Variants in PLBD1 observed in about 807,000 individuals in gnomAD.
The protein encoded by PLBD1 is phospholipase B domain containing 1.
PLBD1 carries 60 observed loss-of-function variants against 63.0 expected under a neutral mutation model. The observed-to-expected ratio is 0.95, with a 90% CI of 0.77 to 1.18. The LOEUF (loss-of-function observed/expected upper bound fraction) is 1.18. PLBD1 is among the 50% of genes most tolerant of loss of function. The pLI is 0.00. For synonymous variants in PLBD1, 262 were observed against 248.0 expected, an observed-to-expected ratio of 1.06 and a Z score of -0.53; for missense variants, 598 against 677.9, an observed-to-expected ratio of 0.88 and a Z score of 1.31.
At chr12:14,551,958 C>T (rs1317991751) in intron 2 of PLBD1, among the ~76,000 whole-genome samples, 4 of 151,826 alleles carry the variant, frequency 2.6e-5, no homozygotes, top group Non-Finnish European at 4.4e-5. Flanking sequence ...AATAGTACAC[C>T]GTTAAGGAGA....
chr12:14,542,238 GA>G lies in PLBD1; in HGVS notation c.388del (p.Ser130ProfsTer36). Reference protein sequence around the residue: ...NLYPQLITKPSIMDKVQDFME... With the variant: ...NLYPQLITKPXIMDKVQDFME... Reference sequence around the variant, plus strand: ...AAAATCCTGCACTTTATCCATGATGGAAGGTTTCGTGATCAGCTGTGGGTAG... The same window carrying G: ...AAAATCCTGCACTTTATCCATGATGGAGGTTTCGTGATCAGCTGTGGGTAG... On this transcript the variant is annotated frameshift_variant, in exon 3 of 11. Coordinates refer to ENST00000240617, the MANE Select transcript of PLBD1 (RefSeq NM_024829.6). LOFTEE classifies it high-confidence loss of function. 1 of 1,610,336 alleles carries G rather than the reference GA, an allele frequency of 6.2e-7. No individual in the cohort carries two copies. Among genetic ancestry groups the G allele is most frequent in the Non-Finnish European group, 8.5e-7 (1 of 1,176,582 alleles).
intron 6 of PLBD1, among the ~76,000 whole-genome samples, chr12:14,532,877 G>C (rs1382343751): frequency 1.3e-5 from 2 of 152,148 alleles, no homozygotes; most frequent in African/African-American, 4.8e-5. Context: ...TGCTGGAGGG[G>C]GATTTAGGTA....
intron 1 of PLBD1, among the ~76,000 whole-genome samples, chr12:14,555,526 G>A (rs565268463): frequency 6.6e-6 from 1 of 152,208 alleles, no homozygotes; most frequent in East Asian, 1.9e-4. Flanking sequence ...AAAAAAGTGC[G>A]AAACTCTGTC....
At chr12:14,510,553 C>T (rs932904809) in intron 8 of PLBD1, among the ~76,000 whole-genome samples, 4 of 152,188 alleles carry the variant, frequency 2.6e-5, no homozygotes, top group Admixed American at 2.6e-4. Context: ...TGTGGTTTTA[C>T]AATTTTGGAA....
At chr12:14,561,944 C>T (rs573378936) in intron 1 of PLBD1, among the ~76,000 whole-genome samples, 8 of 152,132 alleles carry the variant, frequency 5.3e-5, no homozygotes, top group African/African-American at 1.9e-4. Context: ...CAGTCATTCT[C>T]GATTTCTAAT....
Position 14,519,895 on chromosome 12 carries a change from G to A in PLBD1, c.845-8184C>T, listed in dbSNP as rs557865539. Among the ~76,000 whole-genome samples, 94 of 152,296 alleles carry A rather than the reference G, an allele frequency of 6.2e-4. 1 individual carries two copies. The highest frequency in any genetic ancestry group is 2.2e-3 in the African/African-American group (92 of 41,564). ...GAAAACTAGAGCCATTCTGGCTTGA[G>A]ATGGTGAGATCAAAGTCTAGTATTG... On this transcript the variant is annotated intron_variant, in intron 6 of 10. Coordinates refer to ENST00000240617, the MANE Select transcript of PLBD1 (RefSeq NM_024829.6).
Position 14,535,728 on chromosome 12 carries a change from TATA to T in PLBD1, c.772_774del (p.Tyr258del). 6.2e-7 allele frequency: 1 copy of T among 1,614,000 alleles called. No individual in the cohort carries two copies. ...TCTATGACGTTGAAGTCCCAGTGTTTATATATCCTGAGCATGGCTGCATACGTG... is the reference window on the plus strand; with the variant it reads ...TCTATGACGTTGAAGTCCCAGTGTTTTATCCTGAGCATGGCTGCATACGTG... On this transcript the variant is annotated inframe_deletion, in exon 6 of 11. Transcript: ENST00000240617.
At chr12:14,550,268 T>C (rs867094189) in intron 2 of PLBD1, among the ~76,000 whole-genome samples, 1 of 152,188 alleles carries the variant, frequency 6.6e-6, no homozygotes, top group African/African-American at 2.4e-5. Flanking sequence ...CTTAAGGACA[T>C]AGTTTTAGAG....
At chr12:14,557,922 C>G (rs1002670814) in intron 1 of PLBD1, among the ~76,000 whole-genome samples, 2 of 152,012 alleles carry the variant, frequency 1.3e-5, no homozygotes, top group African/African-American at 4.8e-5. Flanking sequence ...CATAAAGACA[C>G]TTGCATACGT....
chr12:14,560,071 G>GCTGGT (rs747736245), intron 1 of PLBD1, among the ~76,000 whole-genome samples: 4 of 152,060 alleles, frequency 2.6e-5, no homozygotes, highest in Non-Finnish European at 4.4e-5. Flanking sequence ...TGTTGATCAG[G>GCTGGT]CTGGTCTCGA....
chr12:14,532,292 C>T (rs1945471795), intron 6 of PLBD1, among the ~76,000 whole-genome samples: 1 of 152,162 alleles, frequency 6.6e-6, no homozygotes, highest in Non-Finnish European at 1.5e-5. Context: ...TCTCAAAAGG[C>T]CTCAGAGGGG....
chr12:14,530,946 A>T (rs1945454805), intron 6 of PLBD1: 1 of 152,238 alleles, frequency 6.6e-6, no homozygotes, highest in South Asian at 2.1e-4. Context: ...GAACAAGGCC[A>T]TTCAAAGCCA....
chr12:14,521,692 C>A (rs911245045), intron 6 of PLBD1, among the ~76,000 whole-genome samples: 3 of 152,056 alleles, frequency 2.0e-5, no homozygotes, highest in African/African-American at 7.2e-5. Flanking sequence ...CTGGAAGAGG[C>A]ATCCATTCTA....
intron 8 of PLBD1, 127 bp downstream of exon 8, chr12:14,511,133 G>A (rs1165727724): frequency 8.3e-6 from 8 of 963,724 alleles, no homozygotes; most frequent in Non-Finnish European, 4.6e-6. Context: ...GTGTAATATA[G>A]CATCCCCATC....
intron 6 of PLBD1, among the ~76,000 whole-genome samples, chr12:14,517,134 C>T (rs1296228176): frequency 2.0e-5 from 3 of 152,072 alleles, no homozygotes; most frequent in East Asian, 1.9e-4. Flanking sequence ...GAGTTCACTG[C>T]TCTTTTAGTT....
intron 6 of PLBD1, among the ~76,000 whole-genome samples, chr12:14,517,261 C>T (rs1284473907): frequency 2.6e-5 from 4 of 152,102 alleles, no homozygotes; most frequent in African/African-American, 4.8e-5. Context: ...ATCCTCCCAC[C>T]AGGCCTCCTG....
rs145530649 is a variant in PLBD1 at position 14,562,608 on chromosome 12, A to G, written c.115+4974T>C. Among the ~76,000 whole-genome samples, 600 of 152,304 alleles carry G rather than the reference A, an allele frequency of 3.9e-3. 11 individuals carry two copies. The highest frequency in any genetic ancestry group is 1.5e-3 in the Non-Finnish European group (103 of 68,036). On this transcript the variant is annotated intron_variant, in intron 1 of 10. Coordinates refer to ENST00000240617, the MANE Select transcript of PLBD1 (RefSeq NM_024829.6). ...TTAATTCCTGTTTTGCAGTAGTAAA[A>G]AGAAGCTCCGTAATAACATTATTAA...
chr12:14,525,961 G>A lies in PLBD1; in HGVS notation c.844+9698C>T, dbSNP rs1018869505. 2.6e-5 allele frequency among the ~76,000 whole-genome samples: 4 copies of A among 151,242 alleles called. No homozygotes were observed. The East Asian group carries it at 7.8e-4, about 29-fold the overall frequency. On this transcript the variant is annotated intron_variant, in intron 6 of 10. Transcript: ENST00000240617. Reference sequence around the variant, plus strand: ...TTAAAGATGCATATCACAAGCCCCAGGGACAACAATTTTAAAAATGCAAAT... The same window carrying A: ...TTAAAGATGCATATCACAAGCCCCAAGGACAACAATTTTAAAAATGCAAAT...
At chr12:14,513,023 A>G (rs1252627818) in intron 6 of PLBD1, among the ~76,000 whole-genome samples, 1 of 152,190 alleles carries the variant, frequency 6.6e-6, no homozygotes, top group Admixed American at 6.5e-5. Flanking sequence ...GAATGGACTG[A>G]GATGGTCTCA....
Sources: gnomAD v4.1 joint callset for allele counts (sites outside exome capture counted in the v4.1 genomes callset) on GRCh38, gnomAD v4.1.1 for gene constraint, MANE v1.5 for transcripts, NCBI Gene and HGNC (gene_info 2026-07-23, HGNC 2026-07-21) for gene names.